Variants in TFF3 observed in about 807,000 individuals in gnomAD.
TFF3 encodes polypeptide P1.B.
TFF3 carries 6 observed loss-of-function variants against 9.7 expected under a neutral mutation model. The ratio of observed to expected loss-of-function variants is 0.62; its 90% CI spans 0.34 to 1.22. The LOEUF is 1.22. Among genes scored for constraint, TFF3 ranks in the 50% most tolerant of loss-of-function variants. TFF3 has a pLI of 0.04. For synonymous variants in TFF3, 48 were observed against 41.4 expected, an observed-to-expected ratio of 1.16 and a Z score of -0.61; for missense variants, 93 against 98.6, an observed-to-expected ratio of 0.94 and a Z score of 0.24.
In TFF3 at chr21:42,312,251, G is replaced by A. The variant is rs1251739630; in HGVS notation, c.*5C>T. 1 of 1,612,670 alleles carries A rather than the reference G, an allele frequency of 6.2e-7. No homozygotes were observed. The highest frequency in any genetic ancestry group is 1.3e-5 in the African/African-American group (1 of 74,866). On this transcript the variant is annotated 3_prime_UTR_variant, in exon 3 of 3. Transcript: ENST00000518498. The stretch of plus-strand genomic sequence containing the variant: ...ATCCCCCGGCCGGGGGCAGCTGGAG[G>A]TGCCTCAGAAGGTGCATTCTGCAAA...
intron 2 of TFF3, 65 bp from the exon 3 acceptor site, chr21:42,312,334 G>C: frequency 6.5e-7 from 1 of 1,538,666 alleles, no homozygotes; most frequent in Non-Finnish European, 8.7e-7. Flanking sequence ...GCTTCCCAAG[G>C]TCAGGGCAGG....
intron 2 of TFF3, among the ~76,000 whole-genome samples, chr21:42,312,820 G>A (rs2069338292): frequency 6.6e-6 from 1 of 152,166 alleles, no homozygotes; most frequent in African/African-American, 2.4e-5. Context: ...GCTGGCACTT[G>A]GACATGGCAG....
At chr21:42,314,893 C>A (rs894314536) in intron 1 of TFF3, among the ~76,000 whole-genome samples, 1 of 152,228 alleles carries the variant, frequency 6.6e-6, no homozygotes, top group African/African-American at 2.4e-5. Flanking sequence ...CTAAATGAAC[C>A]TTGTGCCTGC....
In TFF3 at chr21:42,312,003, C is replaced by G; in HGVS notation, c.*253G>C. On this transcript the variant is annotated 3_prime_UTR_variant, in exon 3 of 3. Transcript: ENST00000518498. ...TGGGCAGACTCTCCCCTGACACCCTCCCGCCCTCTCCCACGACGCAGCAGA... is the reference window on the plus strand; with the variant it reads ...TGGGCAGACTCTCCCCTGACACCCTGCCGCCCTCTCCCACGACGCAGCAGA... 1.5e-6 allele frequency: 1 copy of G among 673,202 alleles called. No homozygotes were observed. The highest frequency in any genetic ancestry group is 2.1e-5 in the Admixed American group (1 of 48,430). The allele number at this position is 673,202 out of a possible 1,614,324, so 41.7% of individuals were successfully genotyped here. A position where few individuals can be genotyped will look rare whatever the true frequency, so the allele number is the denominator to read the frequency against.
At position 42,313,426 on chromosome 21, in the gene TFF3, C is replaced by T. The variant is rs1264560767; in HGVS notation, c.229+59G>A. The T allele has an allele frequency of 9.0e-6, 14 of 1,547,198 alleles. No homozygotes were observed. The highest frequency in any genetic ancestry group is 1.4e-5 in the African/African-American group (1 of 71,736). On this transcript the variant is annotated intron_variant, in intron 2 of 2. Coordinates refer to ENST00000518498, the MANE Select transcript of TFF3 (RefSeq NM_003226.4). The surrounding 1 kb of genome is among the most constrained non-coding windows in gnomAD (Gnocchi z 4.0). ...CTCCAGCCCAGAAAGGACAGGGAGGCCCTGAGACCCCCTGCCTTATGGGGC... is the reference window on the plus strand; with the variant it reads ...CTCCAGCCCAGAAAGGACAGGGAGGTCCTGAGACCCCCTGCCTTATGGGGC...
At chr21:42,314,058 T>G (rs1234819719) in intron 1 of TFF3, among the ~76,000 whole-genome samples, 2 of 152,210 alleles carry the variant, frequency 1.3e-5, no homozygotes, top group Non-Finnish European at 2.9e-5. Context: ...ATAGAGATCA[T>G]TGCAACGCAT....
chr21:42,315,353 T>A lies in TFF3; in HGVS notation c.22A>T (p.Met8Leu). 6.2e-7 allele frequency: 1 copy of A among 1,614,174 alleles called. No homozygotes were observed. Among genetic ancestry groups the A allele is most frequent in the Non-Finnish European group, 8.5e-7 (1 of 1,180,022 alleles). The change falls in exon 1 of 3, where the codon ATG becomes TTG. Residue 8 changes from methionine to leucine, a missense_variant. Transcript: ENST00000518498. Reference protein sequence around the residue: MAARALCMLGLVLALLSS... With the variant: MAARALCLLGLVLALLSS... ...AGCAAGGCCAGGACCAGCCCCAGCA[T>A]GCAGAGCGCTCTGGCAGCCATGACC...
chr21:42,312,388 G>C, intron 2 of TFF3, 119 bp from the exon 3 acceptor site: 1 of 1,268,988 alleles, frequency 7.9e-7, no homozygotes, highest in Non-Finnish European at 1.1e-6. Context: ...CAGAGTCACC[G>C]GGGAGTGTTG....
At position 42,313,314 on chromosome 21, in the gene TFF3, C is replaced by A. The variant is rs2069341129; in HGVS notation, c.229+171G>T. On this transcript the variant is annotated intron_variant, in intron 2 of 2. Transcript: ENST00000518498. This position sits in a 1 kb window ranked among gnomAD's most constrained non-coding sequence, Gnocchi z 4.0. ...GGGGACAGAAGAGGACAGCCCCTGGCCATGGCTGCCCTAAGTGTGAAGCCT... is the reference window on the plus strand; with the variant it reads ...GGGGACAGAAGAGGACAGCCCCTGGACATGGCTGCCCTAAGTGTGAAGCCT... Among the ~76,000 whole-genome samples, 1 of 152,200 alleles carries A rather than the reference C, an allele frequency of 6.6e-6. No homozygotes were observed. The highest frequency in any genetic ancestry group is 6.5e-5 in the Admixed American group (1 of 15,288).
At chr21:42,314,854 C>T (rs2069349827) in intron 1 of TFF3, among the ~76,000 whole-genome samples, 1 of 152,244 alleles carries the variant, frequency 6.6e-6, no homozygotes, top group Admixed American at 6.5e-5. Context: ...GGAGCAGCCA[C>T]ACCCCATGGC....
rs200242899 is a variant in TFF3, at chr21:42,315,361, G to A, written c.14C>T (p.Ala5Val). ...CAGGACCAGCCCCAGCATGCAGAGC[G>A]CTCTGGCAGCCATGACCACCGTGGG... MAAR[A>V]LCMLGLVLAL... Residue 5 changes from alanine (A) to valine (V), a missense_variant, in exon 1 of 3, where the codon GCG becomes GTG. By Grantham distance (64) the Ala-to-Val change is moderately conservative. Coordinates refer to ENST00000518498, the MANE Select transcript of TFF3 (RefSeq NM_003226.4). 62 of 1,613,996 alleles carry A rather than the reference G, an allele frequency of 3.8e-5. No homozygotes were observed. Among genetic ancestry groups the A allele is most frequent in the Middle Eastern group, 3.3e-4 (2 of 6,084 alleles).
Position 42,313,833 on chromosome 21 carries a change from G to T in TFF3, c.83-202C>A, listed in dbSNP as rs775614083. On this transcript the variant is annotated intron_variant, in intron 1 of 2. Coordinates refer to ENST00000518498, the MANE Select transcript of TFF3 (RefSeq NM_003226.4). The surrounding 1 kb of genome is among the most constrained non-coding windows in gnomAD (Gnocchi z 4.0). ...CAGTCTGTTAAATGCTCAGCTCGGG[G>T]ACTCTGGCCATTTGCCTAAGTGTCT... 2.7e-5 allele frequency: 16 copies of T among 583,314 alleles called. No homozygotes were observed. In the Admixed American group the frequency reaches 2.8e-4, roughly 10 times the overall value. The allele number at this position is 583,314 out of a possible 1,614,324, so 36.1% of individuals were successfully genotyped here.
rs118095917 is a variant in TFF3, at chr21:42,313,518, C to T, written c.196G>A (p.Val66Met). The change falls in exon 2 of 3, where the codon GTG becomes ATG. Residue 66 changes from valine to methionine, a missense_variant. Transcript: ENST00000518498. This position sits in a 1 kb window ranked among gnomAD's most constrained non-coding sequence, Gnocchi z 4.0. Reference sequence around the variant, plus strand: ...TGCAGGGGCTTGAAACACCAAGGCACTCCAGGGATCCTGGAGTCAAAGCAG... The same window carrying T: ...TGCAGGGGCTTGAAACACCAAGGCATTCCAGGGATCCTGGAGTCAAAGCAG... The part of the protein sequence containing the change: ...GCCFDSRIPG[V>M]PWCFKPLQEA... 5.2e-3 allele frequency: 8,412 copies of T among 1,610,076 alleles called. 32 individuals are homozygous for T. The highest frequency in any genetic ancestry group is 6.3e-3 in the Middle Eastern group (28 of 4,436).
chr21:42,312,939 C>G (rs2069339082), intron 2 of TFF3, among the ~76,000 whole-genome samples: 1 of 152,168 alleles, frequency 6.6e-6, no homozygotes, highest in Non-Finnish European at 1.5e-5. Context: ...AGCACGCAGG[C>G]TCTCCGCCCC....
chr21:42,314,914 A>G (rs1027342028), intron 1 of TFF3, among the ~76,000 whole-genome samples: 1 of 152,224 alleles, frequency 6.6e-6, no homozygotes, highest in African/African-American at 2.4e-5. Context: ...CGGTATTGAC[A>G]GTGTTCTGAA....
intron 1 of TFF3, among the ~76,000 whole-genome samples, chr21:42,314,520 T>G (rs2069348300): frequency 6.6e-6 from 1 of 152,196 alleles, no homozygotes; most frequent in African/African-American, 2.4e-5. Flanking sequence ...CTGGGCATGG[T>G]GGTGCATGCC....
chr21:42,313,087 C>A lies in TFF3; in HGVS notation c.229+398G>T, dbSNP rs2069339955. 6.6e-6 allele frequency among the ~76,000 whole-genome samples: 1 copy of A among 152,094 alleles called. No homozygotes were observed. The highest frequency in any genetic ancestry group is 1.5e-5 in the Non-Finnish European group (1 of 68,000). On this transcript the variant is annotated intron_variant, in intron 2 of 2. Coordinates refer to ENST00000518498, the MANE Select transcript of TFF3 (RefSeq NM_003226.4). This position sits in a 1 kb window ranked among gnomAD's most constrained non-coding sequence, Gnocchi z 4.0. ...CGAGGCCTGACGTCTAGGGCTGGGA[C>A]CGCCTGCCGTCTGTGTAGGGGATGC...
In TFF3 at chr21:42,311,783, T is replaced by C. The variant is rs1288408671; in HGVS notation, c.*473A>G. ...AGGACCACTTTGGAAGACAGTTTTA[T>C]TGGCTTGCTGTCTTCACCAAGAAAG... On this transcript the variant is annotated 3_prime_UTR_variant, in exon 3 of 3. Transcript: ENST00000518498. 3.6e-6 allele frequency: 1 copy of C among 279,764 alleles called. No individual in the cohort carries two copies. 17.3% of individuals were successfully genotyped at this position (279,764 alleles called of 1,614,324 possible). A position where few individuals can be genotyped will look rare whatever the true frequency, so the allele number is the denominator to read the frequency against.
chr21:42,315,327 C>T lies in TFF3; in HGVS notation c.48G>A (p.Leu16=). ...LCMLGLVLAL[L]SSSSAEEYVG... ...CGTACTCCTCAGCAGAGCTGGAGGA[C>T]AGCAAGGCCAGGACCAGCCCCAGCA... Residue 16 remains leucine (L), a synonymous_variant, in exon 1 of 3, where the codon CTG becomes CTA. Transcript: ENST00000518498. The T allele has an allele frequency of 1.2e-6, 2 of 1,614,068 alleles. No homozygotes were observed. Among genetic ancestry groups the T allele is most frequent in the Non-Finnish European group, 1.7e-6 (2 of 1,180,012 alleles).
Sources: gnomAD v4.1 joint callset for allele counts (sites outside exome capture counted in the v4.1 genomes callset) on GRCh38, gnomAD v4.1.1 for gene constraint, Gnocchi (gnomAD v3.1) non-coding constraint, MANE v1.5 for transcripts, NCBI Gene and HGNC (gene_info 2026-07-23, HGNC 2026-07-21) for gene names.